NEGR1: variants seen among roughly 807,000 people sequenced by gnomAD.
NEGR1 encodes IgLON family member 4.
Under a neutral mutation model 40.9 loss-of-function variants are expected in NEGR1, and 10 were observed. The ratio of observed to expected loss-of-function variants is 0.24; its 90% CI spans 0.15 to 0.42. The LOEUF is 0.42. Among genes scored for constraint, NEGR1 ranks in the 10% least tolerant of loss-of-function variants. The pLI, the probability that NEGR1 is intolerant of heterozygous loss-of-function variation, is 1.00. For synonymous variants in NEGR1, 185 were observed against 166.8 expected (o/e 1.11, Z -0.84); for missense variants, 352 against 438.9 (o/e 0.80, Z 1.77).
intron 2 of NEGR1, among the ~76,000 whole-genome samples, chr1:71,787,336 A>T (rs533346966): frequency 1.3e-5 from 2 of 152,346 alleles, no homozygotes; most frequent in South Asian, 4.1e-4. Flanking sequence ...AAAACTTCCC[A>T]TGATGGCCAA....
intron 3 of NEGR1, among the ~76,000 whole-genome samples, chr1:71,771,581 TC>T (rs1370468498): frequency 6.6e-6 from 1 of 151,188 alleles, no homozygotes; most frequent in Non-Finnish European, 1.5e-5. Context: ...ATGCCTGTAA[TC>T]CCAGCTACCC....
At chr1:71,654,006 C>T (rs1651798066) in intron 4 of NEGR1, among the ~76,000 whole-genome samples, 1 of 151,984 alleles carries the variant, frequency 6.6e-6, no homozygotes, top group Admixed American at 6.6e-5. Flanking sequence ...GTGTATTATT[C>T]AAACTTAAAA....
At chr1:71,649,773 T>C (rs1570150761) in intron 4 of NEGR1, among the ~76,000 whole-genome samples, 1 of 152,106 alleles carries the variant, frequency 6.6e-6, no homozygotes, top group Non-Finnish European at 1.5e-5. Context: ...CCTAGTCTCG[T>C]CAGCCTGAAG....
rs189277714 is a variant in NEGR1, at chr1:72,034,550, G to A, written c.177-99239C>T. On this transcript the variant is annotated intron_variant, in intron 1 of 6. Transcript: ENST00000357731. ...TTTGTGATAATATAGTAAACAGAAT[G>A]CCAAATAGATAAAGCAGGTAAAAAA... Among the ~76,000 whole-genome samples the A allele has an allele frequency of 6.7e-4, 102 of 152,240 alleles. No homozygotes were observed. In the East Asian group the frequency reaches 0.013, roughly 19 times the overall value.
At chr1:71,629,536 C>G (rs1650902665) in intron 4 of NEGR1, among the ~76,000 whole-genome samples, 1 of 151,882 alleles carries the variant, frequency 6.6e-6, no homozygotes, top group South Asian at 2.1e-4. Context: ...TTCTGTTTGT[C>G]TATTATTGGT....
chr1:71,752,386 G>A (rs1438965621), intron 3 of NEGR1, among the ~76,000 whole-genome samples: 1 of 151,978 alleles, frequency 6.6e-6, no homozygotes, highest in African/African-American at 2.4e-5. Flanking sequence ...GTAGGGAAAG[G>A]GATTTTTCCC....
intron 4 of NEGR1, among the ~76,000 whole-genome samples, chr1:71,664,765 T>C (rs1652184090): frequency 6.6e-6 from 1 of 152,168 alleles, no homozygotes; most frequent in Admixed American, 6.6e-5. Context: ...GGTTAGAGTA[T>C]ATTTTACAAA....
At chr1:71,861,877 A>G (rs991102936) in intron 2 of NEGR1, among the ~76,000 whole-genome samples, 2 of 152,022 alleles carry the variant, frequency 1.3e-5, no homozygotes, top group Admixed American at 6.6e-5. Context: ...GAAAAGAAAA[A>G]CCATGTATTT....
At chr1:71,662,941 T>C (rs1652115047) in intron 4 of NEGR1, among the ~76,000 whole-genome samples, 1 of 151,884 alleles carries the variant, frequency 6.6e-6, no homozygotes. Flanking sequence ...TCTACCAGTT[T>C]TGTTTTTTAG....
chr1:71,745,240 C>T (rs553026764), intron 3 of NEGR1, among the ~76,000 whole-genome samples: 14 of 152,124 alleles, frequency 9.2e-5, no homozygotes, highest in South Asian at 2.1e-4. Flanking sequence ...CTGATGCAAA[C>T]TATAAACCAG....
At chr1:72,022,256 T>C (rs1569838423) in intron 1 of NEGR1, among the ~76,000 whole-genome samples, 1 of 123,938 alleles carries the variant, frequency 8.1e-6, no homozygotes, top group African/African-American at 3.1e-5. Context: ...TTATAAACAA[T>C]TTTCATATAT....
chr1:71,450,515 G>A (rs1028281537), intron 6 of NEGR1, among the ~76,000 whole-genome samples: 1 of 152,012 alleles, frequency 6.6e-6, no homozygotes, highest in Middle Eastern at 3.2e-3. Flanking sequence ...TTGAAAATAA[G>A]GGTAACTTTG....
intron 1 of NEGR1, among the ~76,000 whole-genome samples, chr1:72,135,714 G>T (rs1484356798): frequency 1.3e-5 from 2 of 152,088 alleles, no homozygotes; most frequent in African/African-American, 4.8e-5. Flanking sequence ...TTGCAACAGG[G>T]TCTCCTAAAG....
chr1:72,059,253 G>T (rs537381483), intron 1 of NEGR1, among the ~76,000 whole-genome samples: 1 of 151,656 alleles, frequency 6.6e-6, no homozygotes, highest in East Asian at 1.9e-4. Context: ...CAGGATTAAG[G>T]ATTATGTGCA....
At chr1:71,445,682 A>G (rs1279811566) in intron 6 of NEGR1, among the ~76,000 whole-genome samples, 1 of 152,204 alleles carries the variant, frequency 6.6e-6, no homozygotes. Flanking sequence ...TAGAAAATGC[A>G]TATGACTTTA....
rs1382594938 is a variant in NEGR1 at position 71,451,860 on chromosome 1, A to G, written c.941-44290T>C. On this transcript the variant is annotated intron_variant, in intron 6 of 6. Coordinates refer to ENST00000357731, the MANE Select transcript of NEGR1 (RefSeq NM_173808.3). ...ATTCAAGTACATATTCCTGAAAACAATGAATCCCAAGTGGAATTTTATTTT... is the reference window on the plus strand; with the variant it reads ...ATTCAAGTACATATTCCTGAAAACAGTGAATCCCAAGTGGAATTTTATTTT... Among the ~76,000 whole-genome samples, 3 of 152,348 alleles carry G rather than the reference A, an allele frequency of 2.0e-5. 1 individual carries two copies. The highest frequency in any genetic ancestry group is 4.1e-4 in the South Asian group (2 of 4,828).
intron 6 of NEGR1, among the ~76,000 whole-genome samples, chr1:71,589,518 G>T (rs536305560): frequency 1.1e-4 from 16 of 152,090 alleles, no homozygotes; most frequent in Non-Finnish European, 2.1e-4. Context: ...ATCTAGAAAT[G>T]ACCTAATTTT....
At chr1:72,182,912 T>G (rs928165997) in intron 1 of NEGR1, among the ~76,000 whole-genome samples, 2 of 151,954 alleles carry the variant, frequency 1.3e-5, no homozygotes, top group Admixed American at 6.6e-5. Flanking sequence ...ATATTTTCCT[T>G]AAAATGAAAA....
At chr1:72,081,104 C>CT (rs1216399479) in intron 1 of NEGR1, among the ~76,000 whole-genome samples, 4 of 152,238 alleles carry the variant, frequency 2.6e-5, no homozygotes, top group African/African-American at 9.6e-5. Context: ...CATTTACATA[C>CT]TTTCAGTTGT....
Sources: allele counts gnomAD v4.1 joint callset (sites outside exome capture counted in the v4.1 genomes callset), GRCh38; gene constraint gnomAD v4.1.1; transcripts MANE v1.5; gene names NCBI Gene and HGNC (gene_info 2026-07-23, HGNC 2026-07-21).